The following ZNF768 variants were observed in gnomAD, a reference collection of about 807,000 sequenced individuals.
The protein encoded by ZNF768 is zinc finger protein 768.
A neutral mutation model predicts 39.7 loss-of-function variants in ZNF768; 12 were observed. The observed-to-expected ratio is 0.30, with a 90% CI of 0.19 to 0.49. ZNF768 has a LOEUF of 0.49. Ranked by LOEUF, ZNF768 falls within the 20% of genes least tolerant of loss-of-function variation. The pLI is 0.99. For synonymous variants in ZNF768, 360 were observed against 288.4 expected (o/e 1.25, Z -2.52); for missense variants, 613 against 723.2 (o/e 0.85, Z 1.75).
At position 30,524,914 on chromosome 16, in the gene ZNF768, C is replaced by T. The variant is rs1379155273; in HGVS notation, c.1226G>A (p.Ser409Asn). ...RPFSCGICGK[S>N]FSQRSALIPH... ...GATAAGGGCCGACCGCTGGGAGAAG[C>T]TCTTGCCGCAGATGCCACAGCTGAA... The change falls in exon 2 of 2, where the codon AGC becomes AAC. Residue 409 changes from serine (S) to asparagine (N), a missense_variant. Ser to Asn is a conservative substitution (Grantham distance 46, BLOSUM62 1). This residue lies in a region of ZNF768 where 204 missense variants were observed against 281.7 expected (regional missense o/e 0.72). Coordinates refer to ENST00000380412, the MANE Select transcript of ZNF768 (RefSeq NM_024671.4). 6.2e-7 allele frequency: 1 copy of T among 1,613,328 alleles called. No individual in the cohort carries two copies. Among genetic ancestry groups the T allele is most frequent in the Non-Finnish European group, 8.5e-7 (1 of 1,179,870 alleles).
intron 1 of ZNF768, 113 bp downstream of exon 1, chr16:30,526,213 G>A (rs1332593189): frequency 2.6e-6 from 4 of 1,540,786 alleles, no homozygotes; most frequent in Non-Finnish European, 3.5e-6. Context: ...GTCCCCGCCG[G>A]CCCCTCCTTC....
In ZNF768 at chr16:30,524,805, G is replaced by A. The variant is rs778216134; in HGVS notation, c.1335C>T (p.Ala445=). Residue 445 remains alanine, a synonymous_variant, in exon 2 of 2, where the codon GCC becomes GCT. Coordinates refer to ENST00000380412, the MANE Select transcript of ZNF768 (RefSeq NM_024671.4). ...CTGGCAGGTGGGTGCGGGCGTGGAT[G>A]GCCAGCACCGAGCTCTGGCCAAAGC... ...GKRFGQSSVL[A]IHARTHLPGR... 98 of 1,610,716 alleles carry A rather than the reference G, an allele frequency of 6.1e-5. 4 individuals carry two copies. The South Asian group carries it at 1.0e-3, about 17-fold the overall frequency.
At chr16:30,527,912 T>C (rs1045838751), upstream of ZNF768, 1 of 152,268 alleles carries the variant, frequency 6.6e-6, no homozygotes, top group South Asian at 2.1e-4. Context: ...TCCAGTCTTG[T>C]CTGACTCGAA....
At chr16:30,532,174 A>G in the ZNF768 span, 1 of 407,556 alleles carries the variant, frequency 2.5e-6, no homozygotes, top group Non-Finnish European at 4.4e-6. Context: ...TAAAAAGAAA[A>G]AGACAACAGA....
rs1266302485 is a variant in ZNF768 at position 30,526,566 on chromosome 16, T to A, written c.-153A>T. 9.5e-7 allele frequency: 1 copy of A among 1,048,594 alleles called. No homozygotes were observed. The highest frequency in any genetic ancestry group is 4.5e-5 in the South Asian group (1 of 22,038). 65.0% of individuals were successfully genotyped at this position (1,048,594 alleles called of 1,614,324 possible). A position where few individuals can be genotyped will look rare whatever the true frequency, so the allele number is the denominator to read the frequency against. On this transcript the variant is annotated 5_prime_UTR_variant, in exon 1 of 2. Coordinates refer to ENST00000380412, the MANE Select transcript of ZNF768 (RefSeq NM_024671.4). The stretch of plus-strand genomic sequence containing the variant: ...GCCCGGGCCCCCGAGGCCGGACGTC[T>A]TGACCCCGCGCCTCTCCAGCGCGCC...
At chr16:30,530,244 G>C (rs750305890), upstream of ZNF768, 2 of 152,098 alleles carry the variant, frequency 1.3e-5, no homozygotes, top group Non-Finnish European at 2.9e-5. This position sits in a 1 kb window ranked among gnomAD's most constrained non-coding sequence, Gnocchi z 4.4. Context: ...AGGGTTTCAC[G>C]ACACTAAAAA....
In ZNF768 at chr16:30,525,998, C is replaced by T; in HGVS notation, c.142G>A (p.Asp48Asn). The T allele has an allele frequency of 6.7e-7, 1 of 1,500,852 alleles. No homozygotes were observed. 93.0% of individuals were successfully genotyped at this position (1,500,852 alleles called of 1,614,324 possible). A position where few individuals can be genotyped will look rare whatever the true frequency, so the allele number is the denominator to read the frequency against. ...AATGGTATCTCTTCGACTTCATAGT[C>T]CCCACTGCCTTCTTGCTGAGAAATT... ...EEISQQEGSG[D>N]YEVEEIPFGL... The change falls in exon 2 of 2, where the codon GAC becomes AAC. Residue 48 changes from aspartate to asparagine, a missense_variant. Physicochemically the swap from Asp to Asn is conservative, Grantham distance 23. Coordinates refer to ENST00000380412, the MANE Select transcript of ZNF768 (RefSeq NM_024671.4).
chr16:30,525,005 C>T lies in ZNF768; in HGVS notation c.1135G>A (p.Gly379Ser), dbSNP rs1319553802. The T allele has an allele frequency of 6.2e-7, 1 of 1,614,014 alleles. No homozygotes were observed. ...GACGAGTTCTGGCTATAGCACTTGC[C>T]GCACTCGGTGCAGCTGTAGGGCCGC... ...HERPYSCTEC[G>S]KCYSQNSSLR... Residue 379 changes from glycine to serine, a missense_variant, in exon 2 of 2, where the codon GGC (glycine) becomes AGC (serine). This residue lies in a region of ZNF768 where 204 missense variants were observed against 281.7 expected (regional missense o/e 0.72). Coordinates refer to ENST00000380412, the MANE Select transcript of ZNF768 (RefSeq NM_024671.4).
In ZNF768 at chr16:30,524,295, C is replaced by G; in HGVS notation, c.*222G>C. 1 of 725,186 alleles carries G rather than the reference C, an allele frequency of 1.4e-6. No individual in the cohort carries two copies. The highest frequency in any genetic ancestry group is 2.1e-6 in the Non-Finnish European group (1 of 467,630). The allele number at this position is 725,186 out of a possible 1,614,324, so 44.9% of individuals were successfully genotyped here. A position where few individuals can be genotyped will look rare whatever the true frequency, so the allele number is the denominator to read the frequency against. On this transcript the variant is annotated 3_prime_UTR_variant, in exon 2 of 2. Transcript: ENST00000380412. The stretch of plus-strand genomic sequence containing the variant: ...TGAGGCCAGCCCTCCGCTGACCTCT[C>G]TCCATTTCTCCCAGGGCCTCCCGCT...
chr16:30,524,958 C>T lies in ZNF768; in HGVS notation c.1182G>A (p.Val394=), dbSNP rs1177982138. The T allele has an allele frequency of 6.2e-7, 1 of 1,612,944 alleles. No individual in the cohort carries two copies. Among genetic ancestry groups the T allele is most frequent in the South Asian group, 1.1e-5 (1 of 91,040 alleles). ...AGCTGAAGGGCCTCTGACCGGTGTG[C>T]ACCCTCTGATGGCTGCGCAGGGACG... The part of the protein sequence containing the change: ...QNSSLRSHQR[V]HTGQRPFSCG... The change falls in exon 2 of 2, where the codon GTG becomes GTA. Residue 394 remains valine, a synonymous_variant. Coordinates refer to ENST00000380412, the MANE Select transcript of ZNF768 (RefSeq NM_024671.4).
chr16:30,529,655 A>G (rs1263186106), upstream of ZNF768, among the ~76,000 whole-genome samples: 1 of 152,204 alleles, frequency 6.6e-6, no homozygotes. Flanking sequence ...TATGCCTGAC[A>G]TTGGGGACAG....
Position 30,524,682 on chromosome 16 carries a change from C to A in ZNF768, c.1458G>T (p.Arg486Ser). Residue 486 changes from arginine (R) to serine (S), a missense_variant, in exon 2 of 2, where the codon AGG becomes AGT. Around this residue, in one of 4 missense-constraint regions of ZNF768, gnomAD observed 204 missense variants for 281.7 expected, o/e 0.72. Transcript: ENST00000380412. ...AGAAGCCCTTGCCGCACACGGCGCA[C>A]CTGTAGGGCCGCTCGCCCGTGTGGG... The part of the protein sequence containing the change: ...QRSHTGERPY[R>S]CAVCGKGFCR... 2 of 1,612,772 alleles carry A rather than the reference C, an allele frequency of 1.2e-6. No individual in the cohort carries two copies. Among genetic ancestry groups the A allele is most frequent in the Non-Finnish European group, 1.7e-6 (2 of 1,179,724 alleles).
upstream of ZNF768, chr16:30,526,573 C>G: frequency 9.6e-7 from 1 of 1,040,546 alleles, no homozygotes; most frequent in Non-Finnish European, 1.2e-6. Flanking sequence ...GTCTTGACCC[C>G]GCGCCTCTCC....
chr16:30,526,840 C>G, upstream of ZNF768: 2 of 913,230 alleles, frequency 2.2e-6, no homozygotes, highest in Non-Finnish European at 2.6e-6. Flanking sequence ...GCGGCCAGGT[C>G]CCCCCGCCGG....
At chr16:30,526,727 C>G (rs1205220514), upstream of ZNF768, 4 of 845,226 alleles carry the variant, frequency 4.7e-6, no homozygotes, top group African/African-American at 1.8e-5. Context: ...CCCCCGCTCC[C>G]GCCCGAGCCC....
At position 30,526,111 on chromosome 16, in the gene ZNF768, A is replaced by T. The variant is rs1045749413; in HGVS notation, c.89-60T>A. 14 of 1,492,192 alleles carry T rather than the reference A, an allele frequency of 9.4e-6. No homozygotes were observed. The African/African-American group carries it at 2.0e-4, about 21-fold the overall frequency. The allele number at this position is 1,492,192 out of a possible 1,614,324, so 92.4% of individuals were successfully genotyped here. A position where few individuals can be genotyped will look rare whatever the true frequency, so the allele number is the denominator to read the frequency against. On this transcript the variant is annotated intron_variant, in intron 1 of 1. Transcript: ENST00000380412. The stretch of plus-strand genomic sequence containing the variant: ...TGGAAGGTCATTTGGTCCATTAGCA[A>T]CCACACACCTCCCACCTCACATGCA...
the ZNF768 span, chr16:30,532,437 G>C: frequency 6.5e-7 from 1 of 1,533,596 alleles, no homozygotes; most frequent in Non-Finnish European, 8.8e-7. Flanking sequence ...CGCTGCAGAG[G>C]TTCGGGCCCC....
rs201954518 is a variant in ZNF768, at chr16:30,525,558, G to C, written c.582C>G (p.Pro194=). The part of the protein sequence containing the change: ...SPLNISVGVH[P]LDSFTQGFGE... ...CAAACCCCTGAGTGAAGGAGTCCAG[G>C]GGGTGAACTCCTACGGAGATATTCA... Residue 194 remains proline, a synonymous_variant, in exon 2 of 2, where the codon CCC becomes CCG. Transcript: ENST00000380412. 8.1e-6 allele frequency: 13 copies of C among 1,614,244 alleles called. No homozygotes were observed. In the East Asian group the frequency reaches 2.0e-4, roughly 25 times the overall value.
At chr16:30,527,285 T>C, upstream of ZNF768, 1 of 985,832 alleles carries the variant, frequency 1.0e-6, no homozygotes, top group Non-Finnish European at 1.2e-6. Flanking sequence ...CCCGCTCCCG[T>C]TCCTCCGGCC....
Sources: gnomAD v4.1 joint callset for allele counts (sites outside exome capture counted in the v4.1 genomes callset) on GRCh38, gnomAD v4.1.1 for gene constraint, gnomAD v4.1.1 regional missense constraint, Gnocchi (gnomAD v3.1) non-coding constraint, MANE v1.5 for transcripts, NCBI Gene and HGNC (gene_info 2026-07-23, HGNC 2026-07-21) for gene names.